SOX30: variants seen among roughly 807,000 people sequenced by gnomAD.
The protein encoded by SOX30 is transcription factor SOX-30.
A neutral mutation model predicts 58.6 loss-of-function variants in SOX30; 17 were observed. The observed-to-expected ratio is 0.29, with a 90% CI of 0.20 to 0.44. The LOEUF is 0.44. Ranked by LOEUF, SOX30 falls within the 20% of genes least tolerant of loss-of-function variation. SOX30 has a pLI of 1.00. For synonymous variants in SOX30, 421 were observed against 400.2 expected, an observed-to-expected ratio of 1.05 and a Z score of -0.62; for missense variants, 951 against 965.8, an observed-to-expected ratio of 0.98 and a Z score of 0.20.
At chr5:157,634,069 A>T (rs994368293) in intron 4 of SOX30, among the ~76,000 whole-genome samples, 1 of 152,216 alleles carries the variant, frequency 6.6e-6, no homozygotes, top group Admixed American at 6.5e-5. Flanking sequence ...ATCTGAAGGC[A>T]GGAATAAGAT....
chr5:157,634,956 T>A (rs1041436183), intron 4 of SOX30, among the ~76,000 whole-genome samples: 2 of 152,178 alleles, frequency 1.3e-5, no homozygotes, highest in African/African-American at 4.8e-5. Flanking sequence ...CCAGAAATAT[T>A]CCTTACAGAA....
chr5:157,655,236 G>A (rs765202211), upstream of SOX30, among the ~76,000 whole-genome samples: 56 of 152,206 alleles, frequency 3.7e-4, no homozygotes, highest in Non-Finnish European at 7.1e-4. Flanking sequence ...GGTGGGGTCC[G>A]GTAACATCTT....
At chr5:157,639,411 A>G (rs1301204408) in intron 3 of SOX30, among the ~76,000 whole-genome samples, 1 of 151,734 alleles carries the variant, frequency 6.6e-6, no homozygotes, top group Non-Finnish European at 1.5e-5. Context: ...TTTTTCGTTG[A>G]AAAAAACTTA....
chr5:157,665,483 G>A (rs922501840), intron 2 of SOX30, among the ~76,000 whole-genome samples: 2 of 151,922 alleles, frequency 1.3e-5, no homozygotes, highest in East Asian at 1.9e-4. Context: ...AGCTTTAGGA[G>A]ATATACCTAA....
At chr5:157,631,013 T>A (rs967716640) in intron 4 of SOX30, among the ~76,000 whole-genome samples, 16 of 118,534 alleles carry the variant, frequency 1.3e-4, no homozygotes, top group Non-Finnish European at 2.3e-4. Context: ...ATATATATAC[T>A]ATATATTTTA....
intron 1 of SOX30, among the ~76,000 whole-genome samples, chr5:157,671,069 A>C (rs1451649747): frequency 6.6e-6 from 1 of 152,200 alleles, no homozygotes; most frequent in Non-Finnish European, 1.5e-5. Flanking sequence ...TTCAGGAAGC[A>C]GCCGCTCCGG....
chr5:157,630,958 ATATATACAC>A (rs1758779918), intron 4 of SOX30, among the ~76,000 whole-genome samples: 1 of 135,904 alleles, frequency 7.4e-6, no homozygotes, highest in South Asian at 2.1e-4. Flanking sequence ...TATATTGTAT[ATATATACAC>A]TATATATTTT....
Position 157,651,916 on chromosome 5 carries a change from A to T in SOX30, c.163T>A (p.Cys55Ser). ...AAASATLASS[C>S]GEAVASGLQP... Reference sequence around the variant, plus strand: ...AAGCCGGACGCCACTGCCTCCCCGCACGACGAGGCCAAGGTCGCACTGGCT... The same window carrying T: ...AAGCCGGACGCCACTGCCTCCCCGCTCGACGAGGCCAAGGTCGCACTGGCT... Residue 55 changes from cysteine (C) to serine (S), a missense_variant, in exon 1 of 5, where the codon TGC becomes AGC. Cys to Ser is a moderately radical substitution (Grantham distance 112, BLOSUM62 -1). Transcript: ENST00000265007. 1 of 1,516,204 alleles carries T rather than the reference A, an allele frequency of 6.6e-7. No homozygotes were observed. Among genetic ancestry groups the T allele is most frequent in the Non-Finnish European group, 8.8e-7 (1 of 1,136,720 alleles). 93.9% of individuals were successfully genotyped at this position (1,516,204 alleles called of 1,614,324 possible). A position where few individuals can be genotyped will look rare whatever the true frequency, so the allele number is the denominator to read the frequency against.
chr5:157,659,954 T>C (rs1759548014), intron 2 of SOX30, among the ~76,000 whole-genome samples: 1 of 152,200 alleles, frequency 6.6e-6, no homozygotes, highest in Non-Finnish European at 1.5e-5. Context: ...AGCCTCCAGA[T>C]AGTAGGCTTC....
Position 157,651,311 on chromosome 5 carries a change from T to A in SOX30, c.768A>T (p.Gln256His), listed in dbSNP as rs780942227. 28 of 1,614,016 alleles carry A rather than the reference T, an allele frequency of 1.7e-5. No individual in the cohort carries two copies. The highest frequency in any genetic ancestry group is 2.3e-5 in the Non-Finnish European group (27 of 1,180,046). Residue 256 changes from glutamine to histidine, a missense_variant, in exon 1 of 5, where the codon CAA becomes CAT. Around this residue, in one of 7 missense-constraint regions of SOX30, gnomAD observed 84 missense variants for 68.2 expected, o/e 1.23. Coordinates refer to ENST00000265007, the MANE Select transcript of SOX30 (RefSeq NM_178424.2). ...PTSGAFGPHQQDLRIPLTLHT... is the reference protein window; with the variant it reads ...PTSGAFGPHQHDLRIPLTLHT... ...GGAGCGTCAAAGGGATCCTAAGGTC[T>A]TGCTGGTGCGGCCCAAAGGCACCGG...
intron 3 of SOX30, among the ~76,000 whole-genome samples, chr5:157,645,081 G>T (rs969531163): frequency 6.6e-6 from 1 of 152,190 alleles, no homozygotes; most frequent in Non-Finnish European, 1.5e-5. Context: ...CTACCAAACA[G>T]TGAAGACTGA....
chr5:157,645,527 T>C (rs1759167971), intron 3 of SOX30, among the ~76,000 whole-genome samples: 2 of 151,744 alleles, frequency 1.3e-5, no homozygotes. Flanking sequence ...CCAGGCATGG[T>C]GGTGTGCACC....
At chr5:157,662,553 A>C (rs931502409) in intron 2 of SOX30, among the ~76,000 whole-genome samples, 1 of 152,216 alleles carries the variant, frequency 6.6e-6, no homozygotes, top group African/African-American at 2.4e-5. Flanking sequence ...AATATTTTAT[A>C]ATTTCCCTGG....
rs184855426 is a variant in SOX30 at position 157,660,916 on chromosome 5, A to G, written c.52+6882T>C. ...TTGGGAAAACTGACACCTTGATGAT[A>G]CTGTATTTTCCTATTTGCAAACATG... On this transcript the variant is annotated intron_variant, in intron 2 of 5. Transcript: ENST00000519442. Among the ~76,000 whole-genome samples, 41 of 152,346 alleles carry G rather than the reference A, an allele frequency of 2.7e-4. No individual in the cohort carries two copies. In the East Asian group the frequency reaches 7.9e-3, roughly 29 times the overall value.
chr5:157,632,582 C>T (rs1241282491), intron 4 of SOX30, among the ~76,000 whole-genome samples: 5 of 152,024 alleles, frequency 3.3e-5, no homozygotes, highest in African/African-American at 9.7e-5. Flanking sequence ...TACACTCCAG[C>T]CTGGGCAAAA....
At chr5:157,655,017 C>T (rs115220256), upstream of SOX30, among the ~76,000 whole-genome samples, 366 of 152,304 alleles carry the variant, frequency 2.4e-3, 3 homozygotes, top group African/African-American at 8.5e-3. Context: ...TTTATGGACT[C>T]GCTCTGAATT....
upstream of SOX30, among the ~76,000 whole-genome samples, chr5:157,654,164 C>CAAAA (rs1168643558): frequency 1.3e-5 from 1 of 78,642 alleles, no homozygotes; most frequent in Non-Finnish European, 2.7e-5. Flanking sequence ...GACCCTGTCT[C>CAAAA]AAAAAAAAAA....
chr5:157,664,692 AATCTACCC>A (rs1759639158), intron 2 of SOX30, among the ~76,000 whole-genome samples: 1 of 152,226 alleles, frequency 6.6e-6, no homozygotes, highest in African/African-American at 2.4e-5. Flanking sequence ...AAATGTTTGC[AATCTACCC>A]ATCTGACAAA....
chr5:157,628,598 C>A (rs115382908), intron 4 of SOX30, among the ~76,000 whole-genome samples: 1 of 151,340 alleles, frequency 6.6e-6, no homozygotes, highest in African/African-American at 2.4e-5. Flanking sequence ...ACTCTTAGTT[C>A]GGGCATTTTA....
Sources: gnomAD v4.1 joint callset for allele counts (sites outside exome capture counted in the v4.1 genomes callset) on GRCh38, gnomAD v4.1.1 for gene constraint, gnomAD v4.1.1 regional missense constraint, MANE v1.5 for transcripts, NCBI Gene and HGNC (gene_info 2026-07-23, HGNC 2026-07-21) for gene names.